Variants in LRP1B observed in about 807,000 individuals in gnomAD.
LRP1B encodes low-density lipoprotein receptor-related protein 1B.
Under a neutral mutation model 556.6 loss-of-function variants are expected in LRP1B, and 217 were observed. The observed-to-expected ratio is 0.39, with a 90% CI of 0.35 to 0.44. The LOEUF is 0.44. Ranked by LOEUF, LRP1B falls within the 20% of genes least tolerant of loss-of-function variation. LRP1B has a pLI of 1.00. For synonymous variants in LRP1B, 2,047 were observed against 1,865.8 expected (o/e 1.10, Z -2.50); for missense variants, 5,053 against 5,620.8 (o/e 0.90, Z 3.23).
In LRP1B at chr2:141,266,920, T is replaced by G. The variant is rs147156123; in HGVS notation, c.344-12279A>C. The stretch of plus-strand genomic sequence containing the variant: ...ATAAGTTATTACTGGGAATATTGTA[T>G]GAGGAAAAATGTTTACTTTAGCATA... On this transcript the variant is annotated intron_variant, in intron 3 of 90. Transcript: ENST00000389484. 4.9e-3 allele frequency among the ~76,000 whole-genome samples: 739 copies of G among 152,294 alleles called. 3 individuals carry two copies. Among genetic ancestry groups the G allele is most frequent in the African/African-American group, 0.016 (659 of 41,560 alleles).
At chr2:141,569,555 C>T (rs1370879891) in intron 2 of LRP1B, among the ~76,000 whole-genome samples, 2 of 150,966 alleles carry the variant, frequency 1.3e-5, no homozygotes, top group African/African-American at 4.8e-5. Flanking sequence ...TGTAATGTCT[C>T]AACTGTATTA....
intron 43 of LRP1B, among the ~76,000 whole-genome samples, chr2:140,574,872 T>G (rs1352043): frequency 0.79 from 119,694 of 152,066 alleles, 48,114 homozygotes; most frequent in Admixed American, 0.88. Flanking sequence ...AATTCATTTT[T>G]AGGTGTTAAG....
chr2:140,774,899 T>C (rs1224022991), intron 33 of LRP1B, among the ~76,000 whole-genome samples: 1 of 152,186 alleles, frequency 6.6e-6, no homozygotes, highest in African/African-American at 2.4e-5. Context: ...TTGGGTATTA[T>C]ATACATTCTC....
chr2:140,686,268 T>C (rs765929959), intron 41 of LRP1B, among the ~76,000 whole-genome samples: 12 of 152,072 alleles, frequency 7.9e-5, no homozygotes, highest in South Asian at 2.1e-4. Flanking sequence ...CAATTTGAGA[T>C]GCAGAAAATA....
intron 4 of LRP1B, 147 bp downstream of exon 4, chr2:141,254,375 G>A: frequency 1.4e-6 from 1 of 726,962 alleles, no homozygotes; most frequent in East Asian, 3.0e-5. Flanking sequence ...TTATGTTTTT[G>A]TTGGGGGGGC....
At chr2:141,392,950 G>A (rs1234702245) in intron 3 of LRP1B, among the ~76,000 whole-genome samples, 1 of 152,140 alleles carries the variant, frequency 6.6e-6, no homozygotes, top group Admixed American at 6.5e-5. Flanking sequence ...CTGTAGTCCC[G>A]CTGAAACAGA....
intron 49 of LRP1B, among the ~76,000 whole-genome samples, chr2:140,523,218 G>C (rs900172711): frequency 1.3e-5 from 2 of 151,956 alleles, no homozygotes; most frequent in Admixed American, 1.3e-4. Flanking sequence ...CTTTATTCCT[G>C]GGATTCCAGG....
intron 2 of LRP1B, among the ~76,000 whole-genome samples, chr2:141,666,358 A>G (rs879642504): frequency 3.3e-5 from 5 of 152,132 alleles, no homozygotes; most frequent in Admixed American, 6.5e-5. Flanking sequence ...GGTGGCAATC[A>G]AATCCCATTT....
intron 3 of LRP1B, among the ~76,000 whole-genome samples, chr2:141,412,020 T>A (rs1040183935): frequency 1.3e-4 from 20 of 152,032 alleles, no homozygotes; most frequent in African/African-American, 4.3e-4. Flanking sequence ...AAGGAACTAT[T>A]ACATTATTTT....
chr2:141,307,032 A>G (rs898384862), intron 3 of LRP1B, among the ~76,000 whole-genome samples: 14 of 152,174 alleles, frequency 9.2e-5, no homozygotes, highest in African/African-American at 3.1e-4. Flanking sequence ...AATATGGTCT[A>G]TCTGGAGAAT....
At chr2:142,115,508 T>TTATATATGTA (rs1707166168) in intron 1 of LRP1B, among the ~76,000 whole-genome samples, 1 of 92,022 alleles carries the variant, frequency 1.1e-5, no homozygotes, top group Non-Finnish European at 2.1e-5. Context: ...TAATATATAT[T>TTATATATGTA]ATATATTACA....
chr2:141,357,569 G>A (rs1243094298), intron 3 of LRP1B, among the ~76,000 whole-genome samples: 1 of 152,122 alleles, frequency 6.6e-6, no homozygotes, highest in Non-Finnish European at 1.5e-5. Flanking sequence ...TAATCTAATT[G>A]TTTAATAGAG....
chr2:141,898,829 A>C (rs1699532869), intron 1 of LRP1B, among the ~76,000 whole-genome samples: 1 of 152,158 alleles, frequency 6.6e-6, no homozygotes, highest in Non-Finnish European at 1.5e-5. Context: ...TTATAGAATA[A>C]AGGGGTTTGT....
chr2:141,917,804 A>C (rs1396005383), intron 1 of LRP1B, among the ~76,000 whole-genome samples: 1 of 152,200 alleles, frequency 6.6e-6, no homozygotes, highest in African/African-American at 2.4e-5. Context: ...TGTTCAGATA[A>C]AATTTAGCAC....
intron 3 of LRP1B, among the ~76,000 whole-genome samples, chr2:141,413,868 GGA>G (rs139239783): frequency 2.1e-3 from 306 of 147,738 alleles, no homozygotes; most frequent in African/African-American, 4.5e-3. Context: ...GACACAGTGA[GGA>G]GAGAGAGAGA....
chr2:142,087,395 G>A (rs1453286101), intron 1 of LRP1B, among the ~76,000 whole-genome samples: 1 of 151,938 alleles, frequency 6.6e-6, no homozygotes, highest in Non-Finnish European at 1.5e-5. Flanking sequence ...CAAAGGGGAT[G>A]TAAATAGAAT....
At chr2:141,480,228 C>A in intron 3 of LRP1B, 168 bp downstream of exon 3, 3 of 677,038 alleles carry the variant, frequency 4.4e-6, no homozygotes, top group African/African-American at 1.8e-5. Context: ...AAACATAATA[C>A]TTGCAGCTTT....
At chr2:141,056,626 T>C (rs780714255) in intron 9 of LRP1B, among the ~76,000 whole-genome samples, 2 of 151,886 alleles carry the variant, frequency 1.3e-5, no homozygotes, top group Non-Finnish European at 2.9e-5. Flanking sequence ...TCTCTTCTTT[T>C]GGTTTTTCCT....
At chr2:142,093,739 T>A (rs899518886) in intron 1 of LRP1B, among the ~76,000 whole-genome samples, 2 of 151,548 alleles carry the variant, frequency 1.3e-5, no homozygotes, top group Non-Finnish European at 2.9e-5. Context: ...TCTTGAGGAG[T>A]TTAGCAAAAG....
Sources: gnomAD v4.1 joint callset for allele counts (sites outside exome capture counted in the v4.1 genomes callset) on GRCh38, gnomAD v4.1.1 for gene constraint, MANE v1.5 for transcripts, NCBI Gene and HGNC (gene_info 2026-07-23, HGNC 2026-07-21) for gene names.